The following GRID1 variants were observed in gnomAD, a reference collection of about 807,000 sequenced individuals.
The protein encoded by GRID1 is glutamate receptor ionotropic, delta-1.
GRID1 carries 28 observed loss-of-function variants against 98.0 expected under a neutral mutation model. The ratio of observed to expected loss-of-function variants is 0.29; its 90% CI spans 0.21 to 0.39. GRID1 has a LOEUF of 0.39. Ranked by LOEUF, GRID1 falls within the 10% of genes least tolerant of loss-of-function variation. GRID1 has a pLI of 1.00. For synonymous variants in GRID1, 553 were observed against 538.5 expected, an observed-to-expected ratio of 1.03 and a Z score of -0.37; for missense variants, 1,111 against 1,340.5, an observed-to-expected ratio of 0.83 and a Z score of 2.67.
intron 4 of GRID1, among the ~76,000 whole-genome samples, chr10:86,109,427 G>T (rs962516080): frequency 6.6e-6 from 1 of 152,240 alleles, no homozygotes; most frequent in African/African-American, 2.4e-5. Context: ...AGGAATTGCT[G>T]TCATCAGGCT....
intron 2 of GRID1, among the ~76,000 whole-genome samples, chr10:86,267,112 A>G (rs1847115689): frequency 6.6e-6 from 1 of 152,230 alleles, no homozygotes; most frequent in African/African-American, 2.4e-5. Flanking sequence ...AGACAGCCAC[A>G]AACATGTATT....
chr10:85,910,748 C>A (rs910060202), intron 5 of GRID1, among the ~76,000 whole-genome samples: 2 of 152,154 alleles, frequency 1.3e-5, no homozygotes, highest in African/African-American at 2.4e-5. Context: ...CTTTAGGGAA[C>A]CTCAGAGAAA....
At chr10:85,675,509 G>C (rs1841134717) in intron 12 of GRID1, among the ~76,000 whole-genome samples, 1 of 152,202 alleles carries the variant, frequency 6.6e-6, no homozygotes, top group South Asian at 2.1e-4. Flanking sequence ...GGAATTCATT[G>C]ATTCAGTCCT....
At chr10:85,899,919 T>G (rs957375301) in intron 5 of GRID1, among the ~76,000 whole-genome samples, 1 of 152,234 alleles carries the variant, frequency 6.6e-6, no homozygotes, top group Admixed American at 6.5e-5. Context: ...GCAGTTAAAC[T>G]GCCTCCTCAC....
At chr10:85,831,110 T>C (rs562891808) in intron 8 of GRID1, among the ~76,000 whole-genome samples, 5 of 146,798 alleles carry the variant, frequency 3.4e-5, no homozygotes, top group Non-Finnish European at 5.9e-5. Context: ...ATATACACCA[T>C]GGAATACTAT....
At chr10:86,185,601 G>T (rs1845715896) in intron 3 of GRID1, among the ~76,000 whole-genome samples, 1 of 152,072 alleles carries the variant, frequency 6.6e-6, no homozygotes, top group South Asian at 2.1e-4. Flanking sequence ...GTTCCTCATG[G>T]ATTGTTTATA....
At chr10:85,885,590 A>G (rs866106892) in intron 5 of GRID1, among the ~76,000 whole-genome samples, 3 of 152,244 alleles carry the variant, frequency 2.0e-5, no homozygotes, top group African/African-American at 7.2e-5. Flanking sequence ...TGGAGACACA[A>G]GAGTTTCACT....
At position 85,799,087 on chromosome 10, in the gene GRID1, A is replaced by G. The variant is rs147036298; in HGVS notation, c.1233+55409T>C. On this transcript the variant is annotated intron_variant, in intron 8 of 15. Transcript: ENST00000327946. ...GTAGATATTCAGGTTTTCCAGCATC[A>G]TTATTGAGAAGACTACTTTTTCTAA... 7.0e-4 allele frequency among the ~76,000 whole-genome samples: 106 copies of G among 152,218 alleles called. 1 individual carries two copies. In the East Asian group the frequency reaches 0.02, roughly 28 times the overall value.
chr10:85,737,808 T>C (rs1841901855), intron 8 of GRID1, among the ~76,000 whole-genome samples: 1 of 150,806 alleles, frequency 6.6e-6, no homozygotes, highest in South Asian at 2.1e-4. Context: ...AGTTAGCCTA[T>C]AAGAAACTTG....
intron 8 of GRID1, among the ~76,000 whole-genome samples, chr10:85,749,161 C>A (rs1230114301): frequency 6.6e-6 from 1 of 152,154 alleles, no homozygotes; most frequent in Admixed American, 6.6e-5. Context: ...TCAATATGTT[C>A]TTCTAAATTT....
chr10:85,961,170 G>A (rs1842261736), intron 4 of GRID1, among the ~76,000 whole-genome samples: 1 of 152,124 alleles, frequency 6.6e-6, no homozygotes, highest in Admixed American at 6.5e-5. Flanking sequence ...TCTGAGGATA[G>A]AATGAAATAA....
At chr10:85,936,552 C>T (rs1014505175) in intron 4 of GRID1, among the ~76,000 whole-genome samples, 16 of 151,806 alleles carry the variant, frequency 1.1e-4, no homozygotes, top group African/African-American at 3.6e-4. Context: ...AAAATAGAAG[C>T]CTCACTCCCA....
chr10:86,088,703 G>A (rs1353766384), intron 4 of GRID1, among the ~76,000 whole-genome samples: 1 of 152,112 alleles, frequency 6.6e-6, no homozygotes, highest in East Asian at 1.9e-4. Flanking sequence ...CAACTAAAAA[G>A]CCCAAACATT....
intron 4 of GRID1, among the ~76,000 whole-genome samples, chr10:85,925,475 G>C (rs1364795992): frequency 2.6e-5 from 4 of 152,214 alleles, no homozygotes; most frequent in African/African-American, 9.6e-5. Context: ...CTCGGTCCCT[G>C]AGGGCAGGGG....
At chr10:86,336,463 T>A (rs1848222545) in intron 2 of GRID1, among the ~76,000 whole-genome samples, 2 of 152,148 alleles carry the variant, frequency 1.3e-5, no homozygotes, top group Admixed American at 6.5e-5. Context: ...GGGTCTCCTC[T>A]AGAGCCCAAG....
chr10:86,105,787 T>C (rs1260753179), intron 4 of GRID1, among the ~76,000 whole-genome samples: 1 of 151,922 alleles, frequency 6.6e-6, no homozygotes, highest in Non-Finnish European at 1.5e-5. Flanking sequence ...CATTGCAGAG[T>C]GAAGTCTGCA....
At chr10:85,761,284 C>T (rs547107856) in intron 8 of GRID1, among the ~76,000 whole-genome samples, 12 of 152,294 alleles carry the variant, frequency 7.9e-5, no homozygotes, top group South Asian at 2.1e-4. Context: ...TTTTATCTCA[C>T]GTCCCCAAAC....
chr10:86,204,086 T>C (rs991648467), intron 3 of GRID1, among the ~76,000 whole-genome samples: 10 of 152,168 alleles, frequency 6.6e-5, no homozygotes, highest in African/African-American at 2.4e-4. Context: ...TTTGATCACA[T>C]TGGAGATTCT....
chr10:85,914,042 C>G lies in GRID1; in HGVS notation c.780+2144G>C, dbSNP rs193093440. 3.3e-5 allele frequency among the ~76,000 whole-genome samples: 5 copies of G among 152,288 alleles called. No individual in the cohort carries two copies. The East Asian group carries it at 9.7e-4, about 30-fold the overall frequency. ...CTCCAGTGTGGCTCCAACAGGTATACCCCATATCTGACTCCTCCTGATGAC... is the reference window on the plus strand; with the variant it reads ...CTCCAGTGTGGCTCCAACAGGTATAGCCCATATCTGACTCCTCCTGATGAC... On this transcript the variant is annotated intron_variant, in intron 5 of 15. Coordinates refer to ENST00000327946, the MANE Select transcript of GRID1 (RefSeq NM_017551.3).
Sources: allele counts gnomAD v4.1 joint callset (sites outside exome capture counted in the v4.1 genomes callset), GRCh38; gene constraint gnomAD v4.1.1; transcripts MANE v1.5; gene names NCBI Gene and HGNC (gene_info 2026-07-23, HGNC 2026-07-21).